The following SPON1 variants were observed in gnomAD, a reference collection of about 807,000 sequenced individuals.
SPON1 encodes spondin-1.
SPON1 carries 52 observed loss-of-function variants against 111.7 expected under a neutral mutation model. That is an observed-to-expected ratio of 0.47 (90% CI 0.37 to 0.59). The LOEUF (loss-of-function observed/expected upper bound fraction) is 0.59, where lower values mean the gene tolerates loss of function less well. Ranked by LOEUF, SPON1 falls within the 20% of genes least tolerant of loss-of-function variation. The probability of loss-of-function intolerance (pLI) is 0.00; values close to 1 mark genes in which losing one functional copy is unlikely to be tolerated. For synonymous variants in SPON1, 410 were observed against 395.8 expected, an observed-to-expected ratio of 1.04 and a Z score of -0.43; for missense variants, 957 against 1,068.5, an observed-to-expected ratio of 0.90 and a Z score of 1.46.
intron 6 of SPON1, among the ~76,000 whole-genome samples, chr11:14,157,520 A>G (rs1847862727): frequency 6.6e-6 from 1 of 152,078 alleles, no homozygotes; most frequent in East Asian, 1.9e-4. Flanking sequence ...GACTTTATTT[A>G]TATTTATTGT....
intron 5 of SPON1, among the ~76,000 whole-genome samples, chr11:14,129,448 C>T (rs940628886): frequency 6.6e-6 from 1 of 152,050 alleles, no homozygotes; most frequent in African/African-American, 2.4e-5. Context: ...GCAAATGTAA[C>T]GTTTACTCCC....
At chr11:13,966,253 C>G (rs1336884791) in intron 1 of SPON1, among the ~76,000 whole-genome samples, 1 of 152,148 alleles carries the variant, frequency 6.6e-6, no homozygotes, top group Non-Finnish European at 1.5e-5. Flanking sequence ...CTCTGAAAGG[C>G]CTGCTCTGTT....
chr11:14,029,914 G>A (rs1397224388), intron 2 of SPON1, among the ~76,000 whole-genome samples: 2 of 152,222 alleles, frequency 1.3e-5, no homozygotes, highest in East Asian at 1.9e-4. Flanking sequence ...TACAGATAAG[G>A]AGAATCAGTC....
At chr11:14,174,183 T>C (rs979757228) in intron 6 of SPON1, among the ~76,000 whole-genome samples, 8 of 152,240 alleles carry the variant, frequency 5.3e-5, no homozygotes, top group Non-Finnish European at 1.0e-4. Flanking sequence ...GCAATGCTTC[T>C]ACCCTGCATT....
intron 5 of SPON1, among the ~76,000 whole-genome samples, chr11:14,122,166 A>AT (rs1165863847): frequency 1.4e-5 from 2 of 148,074 alleles, no homozygotes; most frequent in Non-Finnish European, 3.0e-5. Flanking sequence ...CTCTTAAAAT[A>AT]TTTTTTTTTA....
At chr11:14,207,047 A>G (rs1848524865) in intron 6 of SPON1, among the ~76,000 whole-genome samples, 1 of 152,218 alleles carries the variant, frequency 6.6e-6, no homozygotes, top group Non-Finnish European at 1.5e-5. Flanking sequence ...CACATAGACC[A>G]GTGGAAGAGA....
At chr11:14,070,503 G>A (rs1848866967) in intron 3 of SPON1, among the ~76,000 whole-genome samples, 1 of 152,110 alleles carries the variant, frequency 6.6e-6, no homozygotes, top group Admixed American at 6.5e-5. Context: ...CTTTTTGTTA[G>A]GGGCTGGTGA....
At chr11:14,090,920 A>G (rs1341816279) in intron 5 of SPON1, among the ~76,000 whole-genome samples, 1 of 145,970 alleles carries the variant, frequency 6.9e-6, no homozygotes, top group Non-Finnish European at 1.5e-5. Flanking sequence ...ACAACCCCTG[A>G]GCTAGATACA....
intron 2 of SPON1, among the ~76,000 whole-genome samples, chr11:14,038,091 G>T (rs192049050): frequency 1.4e-5 from 2 of 145,520 alleles, no homozygotes; most frequent in South Asian, 2.5e-4. Context: ...ACTTGAACCC[G>T]GGAGGTAGGG....
rs566798606 is a variant in SPON1, at chr11:13,998,474, A to G, written c.345+15521A>G. On this transcript the variant is annotated intron_variant, in intron 2 of 15. Coordinates refer to ENST00000576479, the MANE Select transcript of SPON1 (RefSeq NM_006108.4). The stretch of plus-strand genomic sequence containing the variant: ...CTCTTCTGTCTTTCCTGACATTCAC[A>G]TTTTCCTTTCATCCCATTTGGAATC... Among the ~76,000 whole-genome samples the G allele has an allele frequency of 2.6e-5, 4 of 151,932 alleles. No homozygotes were observed. The East Asian group carries it at 7.7e-4, about 29-fold the overall frequency.
At chr11:14,196,407 T>C (rs903379225) in intron 6 of SPON1, among the ~76,000 whole-genome samples, 2 of 152,202 alleles carry the variant, frequency 1.3e-5, no homozygotes, top group Non-Finnish European at 2.9e-5. Context: ...CGGTGATGTT[T>C]ACACAACACT....
At chr11:14,060,271 T>C (rs1207097170) in intron 3 of SPON1, among the ~76,000 whole-genome samples, 4 of 152,170 alleles carry the variant, frequency 2.6e-5, no homozygotes, top group Non-Finnish European at 5.9e-5. Flanking sequence ...TTTGTACATT[T>C]TCTTTTGTGA....
At chr11:13,984,065 C>T (rs782572621) in intron 2 of SPON1, among the ~76,000 whole-genome samples, 10 of 152,182 alleles carry the variant, frequency 6.6e-5, no homozygotes, top group Non-Finnish European at 1.0e-4. Flanking sequence ...CAAAGAACCT[C>T]TTGGCATGTA....
chr11:14,194,528 T>TA (rs1848380116), intron 6 of SPON1, among the ~76,000 whole-genome samples: 1 of 106,866 alleles, frequency 9.4e-6, no homozygotes, highest in African/African-American at 3.9e-5. Context: ...TAGGCCTACT[T>TA]CACACACACA....
chr11:14,001,063 C>G (rs1554912384), intron 2 of SPON1, among the ~76,000 whole-genome samples: 1 of 152,182 alleles, frequency 6.6e-6, no homozygotes, highest in African/African-American at 2.4e-5. Context: ...CTAATTACTT[C>G]CATCAGAGAA....
At chr11:14,182,302 T>C (rs141916523) in intron 6 of SPON1, among the ~76,000 whole-genome samples, 2,579 of 152,258 alleles carry the variant, frequency 0.017, 39 homozygotes, top group Admixed American at 0.025. Flanking sequence ...CACCTGTAAG[T>C]CAAAATCCCA....
chr11:13,970,753 T>A (rs1442303699), intron 1 of SPON1, among the ~76,000 whole-genome samples: 1 of 152,206 alleles, frequency 6.6e-6, no homozygotes, highest in Non-Finnish European at 1.5e-5. Flanking sequence ...ACTCCTTGTC[T>A]TTTAAGGGAA....
chr11:14,256,669 T>C lies in SPON1; in HGVS notation c.1286T>C (p.Leu429Pro). 1 of 1,613,796 alleles carries C rather than the reference T, an allele frequency of 6.2e-7. No individual in the cohort carries two copies. The highest frequency in any genetic ancestry group is 8.5e-7 in the Non-Finnish European group (1 of 1,179,748). ...AATGTCGATGATATTGTAGCTGACC[T>C]GGCTCCAGAAGAGAAAGATGAAGGT... ...PDNVDDIVAD[L>P]APEEKDEDDT... is the part of the protein sequence containing the mutation. The change falls in exon 10 of 16, where the codon CTG (leucine) becomes CCG (proline). Residue 429 changes from leucine (L) to proline (P), a missense_variant. Physicochemically the swap from Leu to Pro is moderately conservative, Grantham distance 98 (BLOSUM62 -3). Coordinates refer to ENST00000576479, the MANE Select transcript of SPON1 (RefSeq NM_006108.4).
At chr11:14,026,808 T>G (rs1470553511) in intron 2 of SPON1, among the ~76,000 whole-genome samples, 1 of 152,170 alleles carries the variant, frequency 6.6e-6, no homozygotes, top group Non-Finnish European at 1.5e-5. Flanking sequence ...TTTAAAGGGA[T>G]TATATTATTT....
Sources: allele counts gnomAD v4.1 joint callset (sites outside exome capture counted in the v4.1 genomes callset), GRCh38; gene constraint gnomAD v4.1.1; transcripts MANE v1.5; gene names NCBI Gene and HGNC (gene_info 2026-07-23, HGNC 2026-07-21).